Variants in IPO7 observed in about 807,000 individuals in gnomAD.
The protein encoded by IPO7 is importin 7, also known as importin-7.
A neutral mutation model predicts 136.4 loss-of-function variants in IPO7; 13 were observed. That is an observed-to-expected ratio of 0.10 (90% CI 0.06 to 0.15). The LOEUF (loss-of-function observed/expected upper bound fraction) is 0.15, where lower values mean the gene tolerates loss of function less well. IPO7 is among the 10% of genes least tolerant of loss of function. IPO7 has a pLI of 1.00. For synonymous variants in IPO7, 403 were observed against 404.4 expected (o/e 1.00, Z 0.04); for missense variants, 857 against 1,240.6 (o/e 0.69, Z 4.65).
chr11:9,437,972 G>T lies in IPO7; in HGVS notation c.2487G>T (p.Leu829Phe). 1 of 1,610,314 alleles carries T rather than the reference G, an allele frequency of 6.2e-7. No homozygotes were observed. Among genetic ancestry groups the T allele is most frequent in the Non-Finnish European group, 8.5e-7 (1 of 1,177,796 alleles). Residue 829 changes from leucine to phenylalanine, a missense_variant and splice_region_variant, in exon 21 of 25, where the codon TTG becomes TTT. By Grantham distance (22) the Leu-to-Phe change is conservative (BLOSUM62 0). This residue lies in a region of IPO7 where 190 missense variants were observed against 249.0 expected (regional missense o/e 0.76). Transcript: ENST00000379719. ...GGCTTAATGATGTTGACTGTTTCTT[G>T]GGGTAAGTGATGTATTGCAATTTTA... The part of the protein sequence containing the change: ...TQWLNDVDCF[L>F]GLHDRKMCVL...
At chr11:9,434,794 T>TC in intron 18 of IPO7, 140 bp from the exon 19 acceptor site, 1 of 669,048 alleles carries the variant, frequency 1.5e-6, no homozygotes, top group Non-Finnish European at 2.7e-6. Flanking sequence ...AGTGAGAGTG[T>TC]CCCCCCTCCC....
intron 20 of IPO7, among the ~76,000 whole-genome samples, chr11:9,436,864 ATATATTT>A (rs1855381439): frequency 6.8e-5 from 1 of 14,702 alleles, no homozygotes; most frequent in African/African-American, 2.2e-4. Context: ...ATATATATAT[ATATATTT>A]TTTTTTTTTT....
intron 5 of IPO7, among the ~76,000 whole-genome samples, chr11:9,415,613 C>T (rs979349529): frequency 5.9e-5 from 9 of 152,092 alleles, no homozygotes; most frequent in East Asian, 1.9e-4. Context: ...CCGAGGCGGG[C>T]GGATCACGAG....
chr11:9,388,270 T>C (rs1212652017), intron 1 of IPO7, among the ~76,000 whole-genome samples: 7 of 147,422 alleles, frequency 4.7e-5, no homozygotes, highest in Non-Finnish European at 9.0e-5. Context: ...TTCTGCCTCC[T>C]GGGTTCAAGC....
intron 2 of IPO7, among the ~76,000 whole-genome samples, chr11:9,407,755 G>A (rs1039221664): frequency 2.6e-5 from 4 of 152,264 alleles, no homozygotes; most frequent in East Asian, 3.9e-4. Flanking sequence ...CAGAATTTAA[G>A]AATTAATTTT....
intron 8 of IPO7, among the ~76,000 whole-genome samples, chr11:9,422,645 T>A (rs530489862): frequency 6.6e-6 from 1 of 152,052 alleles, no homozygotes; most frequent in South Asian, 2.1e-4. Flanking sequence ...AATACTGTGG[T>A]TTTTCAATAG....
At chr11:9,398,475 T>C (rs915715635) in intron 1 of IPO7, among the ~76,000 whole-genome samples, 2 of 152,228 alleles carry the variant, frequency 1.3e-5, no homozygotes, top group African/African-American at 4.8e-5. Flanking sequence ...ACCCAAAGAA[T>C]GCGAAGCTGT....
At chr11:9,410,350 C>T (rs1225071588) in intron 4 of IPO7, among the ~76,000 whole-genome samples, 1 of 152,134 alleles carries the variant, frequency 6.6e-6, no homozygotes, top group Non-Finnish European at 1.5e-5. Context: ...TCTCTAAAGA[C>T]GGCCTCCTCA....
At chr11:9,385,049 C>T (rs1564988580) in intron 1 of IPO7, among the ~76,000 whole-genome samples, 1 of 152,130 alleles carries the variant, frequency 6.6e-6, no homozygotes, top group Non-Finnish European at 1.5e-5. Flanking sequence ...GCTGCCTTTG[C>T]TTCGGATCCT....
In IPO7 at chr11:9,420,596, A is replaced by G; in HGVS notation, c.822-18A>G. The G allele has an allele frequency of 1.3e-6, 2 of 1,594,252 alleles. No individual in the cohort carries two copies. The highest frequency in any genetic ancestry group is 1.7e-4 in the Middle Eastern group (1 of 6,014). On this transcript the variant is annotated intron_variant, in intron 7 of 24. Coordinates refer to ENST00000379719, the MANE Select transcript of IPO7 (RefSeq NM_006391.3). ...AAAGCATTATAAAGAAACAATGGGC[A>G]TTTTGATGTTCTTTTAGATATGGAA...
chr11:9,444,096 G>T (rs576459679), intron 24 of IPO7, among the ~76,000 whole-genome samples: 8 of 151,844 alleles, frequency 5.3e-5, no homozygotes, highest in Admixed American at 2.6e-4. Context: ...CCAACATACA[G>T]TGAAACCCTG....
intron 12 of IPO7, among the ~76,000 whole-genome samples, chr11:9,427,559 C>T (rs544078284): frequency 4.6e-5 from 7 of 152,298 alleles, no homozygotes; most frequent in African/African-American, 1.4e-4. Context: ...TGCACCCGGC[C>T]GTCTTTCATC....
rs1855510962 is a variant in IPO7, at chr11:9,445,154, G to A, written c.3077G>A (p.Ser1026Asn). ...AAATTCAGTGCTCCAGTTGTGCCAA[G>A]TTCTTTCAATTTTGGAGGCCCAGCA... ...GYKFSAPVVP[S>N]SFNFGGPAPG... The change falls in exon 25 of 25, where the codon AGT (serine) becomes AAT (asparagine). Residue 1026 changes from serine (S) to asparagine (N), a missense_variant. Around this residue, in one of 11 missense-constraint regions of IPO7, gnomAD observed 13 missense variants for 19.6 expected, o/e 0.66. Coordinates refer to ENST00000379719, the MANE Select transcript of IPO7 (RefSeq NM_006391.3). The A allele has an allele frequency of 6.2e-7, 1 of 1,611,342 alleles. No homozygotes were observed. The highest frequency in any genetic ancestry group is 8.5e-7 in the Non-Finnish European group (1 of 1,177,508).
At chr11:9,411,229 A>G (rs1170140903) in intron 4 of IPO7, among the ~76,000 whole-genome samples, 1 of 152,230 alleles carries the variant, frequency 6.6e-6, no homozygotes, top group Non-Finnish European at 1.5e-5. Context: ...AGGCTGCTAC[A>G]TCATTGGAAT....
chr11:9,403,052 G>T, intron 1 of IPO7: 1 of 441,446 alleles, frequency 2.3e-6, no homozygotes, highest in Non-Finnish European at 4.0e-6. Flanking sequence ...TGCTAGTTGG[G>T]ATAAATGGGA....
chr11:9,425,176 C>G lies in IPO7; in HGVS notation c.1249C>G (p.Gln417Glu). The stretch of plus-strand genomic sequence containing the variant: ...GCAAAAGACTATGGGATTTTGTTAC[C>G]AGATTCTTACAGAACCAAATGCTGA... ...VLQKTMGFCY[Q>E]ILTEPNADPR... The change falls in exon 12 of 25, where the codon CAG (glutamine) becomes GAG (glutamate). Residue 417 changes from glutamine (Q) to glutamate (E), a missense_variant. This residue lies in a region of IPO7 where 127 missense variants were observed against 222.4 expected (regional missense o/e 0.57). Coordinates refer to ENST00000379719, the MANE Select transcript of IPO7 (RefSeq NM_006391.3). The G allele has an allele frequency of 1.2e-6, 2 of 1,610,956 alleles. No individual in the cohort carries two copies. Among genetic ancestry groups the G allele is most frequent in the Non-Finnish European group, 1.7e-6 (2 of 1,178,578 alleles).
chr11:9,407,672 G>T (rs987415232), intron 2 of IPO7, among the ~76,000 whole-genome samples: 1 of 152,140 alleles, frequency 6.6e-6, no homozygotes, highest in East Asian at 1.9e-4. Flanking sequence ...TCCTATTTCT[G>T]TCGGTTATCC....
rs554888892 is a variant in IPO7, at chr11:9,390,047, C to T, written c.84+5200C>T. On this transcript the variant is annotated intron_variant, in intron 1 of 24. Coordinates refer to ENST00000379719, the MANE Select transcript of IPO7 (RefSeq NM_006391.3). ...TTGGGATTACAGGCGTGAGCCACTG[C>T]GCCTGGCCTAATTTTATATTTTTAG... Among the ~76,000 whole-genome samples the T allele has an allele frequency of 2.4e-4, 36 of 152,172 alleles. No homozygotes were observed. The South Asian group carries it at 5.6e-3, about 24-fold the overall frequency.
At chr11:9,390,790 G>A (rs972180910) in intron 1 of IPO7, among the ~76,000 whole-genome samples, 1 of 33,168 alleles carries the variant, frequency 3.0e-5, no homozygotes, top group Non-Finnish European at 7.0e-5. Context: ...TTTTTTTTTA[G>A]CCAGAGCCTC....
Sources: allele counts gnomAD v4.1 joint callset (sites outside exome capture counted in the v4.1 genomes callset), GRCh38; gene constraint gnomAD v4.1.1; regional missense constraint gnomAD v4.1.1; transcripts MANE v1.5; gene names NCBI Gene and HGNC (gene_info 2026-07-23, HGNC 2026-07-21).